The following PRMT7 variants were observed in gnomAD, a reference collection of about 807,000 sequenced individuals.
PRMT7 encodes the protein protein arginine N-methyltransferase 7.
In PRMT7, 75 loss-of-function variants were observed where a neutral mutation model predicts 85.4. The observed-to-expected ratio is 0.88, with a 90% CI of 0.73 to 1.06. The LOEUF is 1.06. PRMT7 is among the 50% of genes least tolerant of loss of function. PRMT7 has a pLI of 0.00. For missense variants in PRMT7, 868 were observed against 915.2 expected (o/e 0.95, Z 0.67); for synonymous variants, 397 against 359.5 (o/e 1.10, Z -1.18).
chr16:68,347,079 A>G (rs531089123), intron 11 of PRMT7, 132 bp from the exon 12 acceptor site: 21 of 749,384 alleles, frequency 2.8e-5, no homozygotes, highest in East Asian at 5.8e-5. Flanking sequence ...TGGTTACTGC[A>G]TGAGGACGCA....
At chr16:68,352,557 GT>G in intron 15 of PRMT7, 148 bp downstream of exon 15, 4 of 672,572 alleles carry the variant, frequency 5.9e-6, no homozygotes, top group Non-Finnish European at 9.0e-6. Flanking sequence ...ACACTGTGGG[GT>G]TGAATAGAAG....
At chr16:68,318,511 A>G (rs766441612) in intron 3 of PRMT7, among the ~76,000 whole-genome samples, 1 of 151,130 alleles carries the variant, frequency 6.6e-6, no homozygotes, top group Non-Finnish European at 1.5e-5. Flanking sequence ...GTCTTAAAAT[A>G]TTTCTAAACA....
intron 4 of PRMT7, among the ~76,000 whole-genome samples, chr16:68,323,357 T>G (rs1260553915): frequency 1.3e-5 from 2 of 152,006 alleles, no homozygotes; most frequent in Admixed American, 1.3e-4. Context: ...TAGCTGGGGT[T>G]ACAGGCATGC....
chr16:68,347,364 C>T, intron 12 of PRMT7, 70 bp downstream of exon 12: 2 of 1,423,992 alleles, frequency 1.4e-6, no homozygotes, highest in Non-Finnish European at 1.9e-6. Flanking sequence ...GGTCCGGGTG[C>T]ACAATTCTGT....
Position 68,329,162 on chromosome 16 carries a change from A to C in PRMT7, c.379A>C (p.Thr127Pro), listed in dbSNP as rs1278444447. Residue 127 changes from threonine (T) to proline (P), a missense_variant, in exon 6 of 19, where the codon ACT becomes CCT. Coordinates refer to ENST00000441236, the MANE Select transcript of PRMT7 (RefSeq NM_019023.5). ...TATCAACAAGCATTCCACCGAGGTGACTGTAGGTCCAGGTGAGATTTACAC... is the reference window on the plus strand; with the variant it reads ...TATCAACAAGCATTCCACCGAGGTGCCTGTAGGTCCAGGTGAGATTTACAC... ...KVINKHSTEV[T>P]VGPEGDMPCR... is the part of the protein sequence containing the mutation. The C allele has an allele frequency of 1.9e-6, 3 of 1,595,582 alleles. No individual in the cohort carries two copies. In the East Asian group the frequency reaches 6.7e-5, roughly 36 times the overall value.
At chr16:68,336,507 T>C (rs1470575408) in intron 6 of PRMT7, among the ~76,000 whole-genome samples, 1 of 152,178 alleles carries the variant, frequency 6.6e-6, no homozygotes, top group Non-Finnish European at 1.5e-5. Context: ...GAGAACCTTG[T>C]TGTCTTGCTT....
intron 6 of PRMT7, among the ~76,000 whole-genome samples, chr16:68,336,768 T>TCA: frequency 2.0e-5 from 3 of 152,140 alleles, no homozygotes; most frequent in African/African-American, 4.8e-5. Context: ...TCTCACTCTG[T>TCA]CGCGCAGGCT....
At chr16:68,312,659 G>T (rs1047658829) in intron 2 of PRMT7, among the ~76,000 whole-genome samples, 6 of 152,086 alleles carry the variant, frequency 3.9e-5, no homozygotes, top group African/African-American at 1.2e-4. Context: ...TACAACTCTT[G>T]GAGAATGAGG....
intron 14 of PRMT7, 41 bp from the exon 15 acceptor site, chr16:68,352,207 C>A: frequency 6.2e-7 from 1 of 1,601,138 alleles, no homozygotes. Context: ...CTGGACCGAG[C>A]CCTACTGACA....
chr16:68,318,204 C>CTT (rs67973024), intron 3 of PRMT7, among the ~76,000 whole-genome samples: 1,843 of 143,708 alleles, frequency 0.013, 41 homozygotes, highest in African/African-American at 0.04. Flanking sequence ...ACTTTTTTTT[C>CTT]TTTTTTTTTT....
At chr16:68,346,353 T>C (rs2151829250) in intron 11 of PRMT7, 73 bp downstream of exon 11, 1 of 1,594,794 alleles carries the variant, frequency 6.3e-7, no homozygotes. Context: ...CCCAGCACTT[T>C]GCTTATGATT....
intron 7 of PRMT7, 27 bp from the exon 8 acceptor site, chr16:68,339,295 T>C: frequency 1.2e-6 from 2 of 1,610,306 alleles, no homozygotes; most frequent in South Asian, 2.2e-5. Context: ...TGATTTTTGT[T>C]TGGTTTTGTT....
intron 9 of PRMT7, among the ~76,000 whole-genome samples, chr16:68,340,786 A>G (rs1275000510): frequency 6.6e-6 from 1 of 152,182 alleles, no homozygotes; most frequent in East Asian, 1.9e-4. Flanking sequence ...GTCTGTGCAG[A>G]ATAGATGTGT....
chr16:68,321,220 G>C (rs1480540624), intron 3 of PRMT7, among the ~76,000 whole-genome samples: 13 of 151,512 alleles, frequency 8.6e-5, no homozygotes, highest in Non-Finnish European at 1.5e-5. Flanking sequence ...AGTGAGCTGA[G>C]ATTGCACCAC....
intron 7 of PRMT7, 96 bp downstream of exon 7, chr16:68,337,667 AGCACCTCTGAT>A: frequency 1.5e-6 from 1 of 676,060 alleles, no homozygotes; most frequent in Non-Finnish European, 2.3e-6. Context: ...CCAAGCCCTC[AGCACCTCTGAT>A]ACACCTGGGA....
At chr16:68,340,140 C>A (rs1461541638) in intron 9 of PRMT7, among the ~76,000 whole-genome samples, 172 bp downstream of exon 9, 2 of 152,198 alleles carry the variant, frequency 1.3e-5, no homozygotes, top group Non-Finnish European at 2.9e-5. Context: ...AGTAACGTAG[C>A]CTTCCCAGGG....
At chr16:68,346,468 AG>A (rs1480570697) in intron 11 of PRMT7, among the ~76,000 whole-genome samples, 188 bp downstream of exon 11, 1 of 152,026 alleles carries the variant, frequency 6.6e-6, no homozygotes, top group Non-Finnish European at 1.5e-5. Flanking sequence ...GGACTTCCTG[AG>A]GGCTTGCTCT....
intron 14 of PRMT7, chr16:68,351,972 C>T (rs2087443405): frequency 3.2e-6 from 1 of 317,116 alleles, no homozygotes; most frequent in African/African-American, 2.1e-5. Flanking sequence ...CTCTTCTGCT[C>T]TGCTCTCCTG....
At chr16:68,345,953 C>A in intron 10 of PRMT7, 151 bp downstream of exon 10, 1 of 1,347,128 alleles carries the variant, frequency 7.4e-7, no homozygotes, top group Non-Finnish European at 1.0e-6. Context: ...TGTCAGTGCC[C>A]ATTCGTGTGT....
Sources: allele counts gnomAD v4.1 joint callset (sites outside exome capture counted in the v4.1 genomes callset), GRCh38; gene constraint gnomAD v4.1.1; transcripts MANE v1.5; gene names NCBI Gene and HGNC (gene_info 2026-07-23, HGNC 2026-07-21).